The following RORA variants were observed in gnomAD, a reference collection of about 807,000 sequenced individuals.
The protein encoded by RORA is nuclear receptor ROR-alpha.
In RORA, 7 loss-of-function variants were observed where a neutral mutation model predicts 69.5. The observed-to-expected ratio is 0.10, with a 90% CI of 0.06 to 0.19. The LOEUF is 0.19. Among genes scored for constraint, RORA ranks in the 10% least tolerant of loss-of-function variants. The pLI, the probability that RORA is intolerant of heterozygous loss-of-function variation, is 1.00. For missense variants in RORA, 457 were observed against 663.0 expected, an observed-to-expected ratio of 0.69 and a Z score of 3.41; for synonymous variants, 261 against 240.8, an observed-to-expected ratio of 1.08 and a Z score of -0.78.
chr15:60,624,662 C>T (rs777037221), intron 2 of RORA, among the ~76,000 whole-genome samples: 3 of 151,502 alleles, frequency 2.0e-5, no homozygotes, highest in Non-Finnish European at 2.9e-5. Flanking sequence ...AATAAAGGGA[C>T]ATGCTACTAT....
chr15:60,720,992 C>A (rs1437054233), intron 1 of RORA, among the ~76,000 whole-genome samples: 1 of 152,164 alleles, frequency 6.6e-6, no homozygotes, highest in Non-Finnish European at 1.5e-5. Context: ...GCCCCCACAC[C>A]TGAGAGTCTC....
At position 60,944,790 on chromosome 15, in the gene RORA, C is replaced by A. The variant is rs143360875; in HGVS notation, c.167-266104G>T. Among the ~76,000 whole-genome samples the A allele has an allele frequency of 2.0e-3, 309 of 152,026 alleles. 2 individuals carry two copies. The highest frequency in any genetic ancestry group is 6.9e-3 in the Middle Eastern group (2 of 288). ...AATACACCATTTCCAATAATCGTCC[C>A]TGCAGAAGGATAGAAAAATGTCAGC... On this transcript the variant is annotated intron_variant, in intron 1 of 10. Coordinates refer to ENST00000335670, the MANE Select transcript of RORA (RefSeq NM_134261.3).
intron 1 of RORA, among the ~76,000 whole-genome samples, chr15:61,125,474 G>A (rs370157078): frequency 6.6e-6 from 1 of 152,272 alleles, no homozygotes; most frequent in African/African-American, 2.4e-5. Context: ...TGGGCACAAA[G>A]AGCCAACAAA....
At chr15:60,528,913 C>G (rs989511002) in intron 3 of RORA, 4 of 152,132 alleles carry the variant, frequency 2.6e-5, no homozygotes, top group African/African-American at 9.7e-5. Flanking sequence ...CAGTCTGGTT[C>G]CAGAGTCAGA....
intron 1 of RORA, among the ~76,000 whole-genome samples, chr15:61,126,572 T>C (rs998313884): frequency 6.6e-6 from 1 of 152,190 alleles, no homozygotes; most frequent in African/African-American, 2.4e-5. Flanking sequence ...ATAAGGAAAC[T>C]ATCTATTTTC....
intron 1 of RORA, among the ~76,000 whole-genome samples, chr15:61,023,187 CAAAA>C (rs35185635): frequency 1.3e-5 from 1 of 75,672 alleles, no homozygotes; most frequent in East Asian, 3.5e-4. Context: ...GACTCTGCCT[CAAAA>C]AAAAAAAAAA....
intron 1 of RORA, among the ~76,000 whole-genome samples, chr15:60,995,713 G>A (rs994827662): frequency 7.9e-5 from 12 of 152,058 alleles, no homozygotes; most frequent in Admixed American, 5.2e-4. Context: ...AATACCCTGG[G>A]GTTTCCCTAC....
chr15:60,751,100 G>A (rs1437050042), intron 1 of RORA, among the ~76,000 whole-genome samples: 1 of 152,198 alleles, frequency 6.6e-6, no homozygotes, highest in East Asian at 1.9e-4. Context: ...CAGGAGAACA[G>A]GGACAGCCCA....
intron 3 of RORA, among the ~76,000 whole-genome samples, chr15:60,518,021 C>G (rs2066023751): frequency 6.6e-6 from 1 of 152,116 alleles, no homozygotes; most frequent in Admixed American, 6.5e-5. Context: ...AATTTCTTCA[C>G]TACTTCTTTT....
intron 1 of RORA, among the ~76,000 whole-genome samples, chr15:60,864,334 C>CT (rs1271917447): frequency 1.3e-5 from 2 of 152,152 alleles, no homozygotes; most frequent in African/African-American, 4.8e-5. Context: ...CTCAAATATT[C>CT]TTTTTAAAAC....
intron 8 of RORA, 44 bp downstream of exon 8, chr15:60,502,716 C>A (rs545374611): frequency 8.4e-7 from 1 of 1,196,796 alleles, no homozygotes; most frequent in South Asian, 1.2e-5. Flanking sequence ...GCATCTTTTC[C>A]TATAGCCCTG....
At chr15:60,822,519 T>C (rs1555456054) in intron 1 of RORA, among the ~76,000 whole-genome samples, 1 of 152,212 alleles carries the variant, frequency 6.6e-6, no homozygotes, top group Non-Finnish European at 1.5e-5. Flanking sequence ...TTCTTTCATA[T>C]GACAGGTGGG....
At chr15:61,122,866 A>G (rs2079115452) in intron 1 of RORA, among the ~76,000 whole-genome samples, 1 of 152,154 alleles carries the variant, frequency 6.6e-6, no homozygotes, top group African/African-American at 2.4e-5. Context: ...TTGCCTGTGC[A>G]TTACTGAGTA....
chr15:60,752,471 C>T (rs2071738090), intron 1 of RORA, among the ~76,000 whole-genome samples: 1 of 152,034 alleles, frequency 6.6e-6, no homozygotes, highest in African/African-American at 2.4e-5. Context: ...CCTTTGATAT[C>T]TCCAATGTTC....
At position 61,019,840 on chromosome 15, in the gene RORA, T is replaced by TGCCC. The variant is rs1566946141; in HGVS notation, c.166+209209_166+209212dup. Among the ~76,000 whole-genome samples, 6 of 152,300 alleles carry TGCCC rather than the reference T, an allele frequency of 3.9e-5. No individual in the cohort carries two copies. The South Asian group carries it at 1.2e-3, about 32-fold the overall frequency. ...TGGCTGGTCACTGACGGGGCCTGCC[T>TGCCC]GCCCCCAGAATTCACCTCCAAAGTA... is the stretch of plus-strand genomic sequence containing the variant. On this transcript the variant is annotated intron_variant, in intron 1 of 10. Coordinates refer to ENST00000335670, the MANE Select transcript of RORA (RefSeq NM_134261.3).
At chr15:60,865,598 C>T (rs2073478616) in intron 1 of RORA, among the ~76,000 whole-genome samples, 1 of 152,192 alleles carries the variant, frequency 6.6e-6, no homozygotes, top group Admixed American at 6.5e-5. Context: ...GAAACTGAGG[C>T]ATTACACAGT....
intron 1 of RORA, among the ~76,000 whole-genome samples, chr15:60,744,614 T>C (rs1028635126): frequency 3.3e-5 from 5 of 152,172 alleles, no homozygotes; most frequent in African/African-American, 4.8e-5. Context: ...GCCTGCACCC[T>C]GGACTTCCAT....
intron 2 of RORA, among the ~76,000 whole-genome samples, chr15:60,633,056 A>G (rs2069771173): frequency 6.6e-6 from 1 of 152,242 alleles, no homozygotes; most frequent in Non-Finnish European, 1.5e-5. Context: ...TCTCTTCTTT[A>G]TTTCTTAAAT....
In RORA at chr15:60,511,244, C is replaced by T. The variant is rs771655652; in HGVS notation, c.802G>A (p.Val268Met). The T allele has an allele frequency of 1.1e-5, 17 of 1,613,130 alleles. No individual in the cohort carries two copies. Among genetic ancestry groups the T allele is most frequent in the Non-Finnish European group, 1.4e-5 (16 of 1,179,462 alleles). The change falls in exon 5 of 11, where the codon GTG becomes ATG. Residue 268 changes from valine (V) to methionine (M), a missense_variant. Physicochemically the swap from Val to Met is conservative, Grantham distance 21 (BLOSUM62 1). This residue lies in a region of RORA where 304 missense variants were observed against 447.4 expected (regional missense o/e 0.68). Coordinates refer to ENST00000335670, the MANE Select transcript of RORA (RefSeq NM_134261.3). This position sits in a 1 kb window ranked among gnomAD's most constrained non-coding sequence, Gnocchi z 6.4. ...CCATTACCTAATTCTGCCATGGACA[C>T]AGTTGGGGAAGTCTCGCCGTTGGTG... ...SFTNGETSPTVSMAELEHLAQ... is the reference protein window; with the variant it reads ...SFTNGETSPTMSMAELEHLAQ...
Sources: allele counts gnomAD v4.1 joint callset (sites outside exome capture counted in the v4.1 genomes callset), GRCh38; gene constraint gnomAD v4.1.1; regional missense constraint gnomAD v4.1.1; non-coding constraint Gnocchi (gnomAD v3.1); transcripts MANE v1.5; gene names NCBI Gene and HGNC (gene_info 2026-07-23, HGNC 2026-07-21).